The following AHR variants were observed in gnomAD, a reference collection of about 807,000 sequenced individuals.
AHR encodes the protein AH-receptor.
In AHR, 40 loss-of-function variants were observed where a neutral mutation model predicts 86.8. That is an observed-to-expected ratio of 0.46 (90% CI 0.36 to 0.60). The LOEUF (loss-of-function observed/expected upper bound fraction) is 0.60, where lower values mean the gene tolerates loss of function less well. Ranked by LOEUF, AHR falls within the 20% of genes least tolerant of loss-of-function variation. The pLI, the probability that AHR is intolerant of heterozygous loss-of-function variation, is 0.00. For missense variants in AHR, 1,001 were observed against 1,011.6 expected (o/e 0.99, Z 0.14); for synonymous variants, 398 against 354.9 (o/e 1.12, Z -1.37).
intron 1 of AHR, among the ~76,000 whole-genome samples, chr7:17,306,799 T>A (rs1782010416): frequency 6.6e-6 from 1 of 152,154 alleles, no homozygotes; most frequent in Non-Finnish European, 1.5e-5. Flanking sequence ...CTGGCTTAAA[T>A]CTCTCTTCAA....
intron 2 of AHR, among the ~76,000 whole-genome samples, chr7:17,321,415 C>T (rs889462952): frequency 2.0e-5 from 3 of 151,848 alleles, no homozygotes. Context: ...AAATAACTCC[C>T]ACTTTTAGTA....
Position 17,310,024 on chromosome 7 carries a change from A to C in AHR, c.154A>C (p.Ser52Arg). The C allele has an allele frequency of 1.2e-6, 2 of 1,614,048 alleles. No homozygotes were observed. The highest frequency in any genetic ancestry group is 1.7e-6 in the Non-Finnish European group (2 of 1,179,918). Residue 52 changes from serine (S) to arginine (R), a missense_variant, in exon 2 of 11, where the codon AGC (serine) becomes CGC (arginine). By Grantham distance (110) the Ser-to-Arg change is moderately radical. Coordinates refer to ENST00000242057, the MANE Select transcript of AHR (RefSeq NM_001621.5). ...TAATACAGAGTTGGACCGTTTGGCT[A>C]GCCTGCTGCCTTTCCCACAAGATGT... Reference protein sequence around the residue: ...RLNTELDRLASLLPFPQDVIN... With the variant: ...RLNTELDRLARLLPFPQDVIN...
chr7:17,338,687 G>C (rs539473702), intron 9 of AHR, among the ~76,000 whole-genome samples: 2 of 152,188 alleles, frequency 1.3e-5, no homozygotes, highest in African/African-American at 4.8e-5. Context: ...TTTATGTGTA[G>C]ATATTTATTC....
chr7:17,315,581 G>A (rs559347433), intron 2 of AHR, among the ~76,000 whole-genome samples: 11 of 151,850 alleles, frequency 7.2e-5, no homozygotes, highest in East Asian at 1.9e-4. Flanking sequence ...GGAGACTACC[G>A]TGGGCTAACA....
At chr7:17,338,321 A>G (rs1782377997) in intron 9 of AHR, among the ~76,000 whole-genome samples, 1 of 151,492 alleles carries the variant, frequency 6.6e-6, no homozygotes, top group Non-Finnish European at 1.5e-5. Context: ...GTTGTTTCAG[A>G]TTCTTAACTT....
intron 2 of AHR, among the ~76,000 whole-genome samples, chr7:17,319,390 A>T (rs1226896891): frequency 1.3e-5 from 2 of 152,110 alleles, no homozygotes; most frequent in Admixed American, 1.3e-4. Flanking sequence ...GGTGGCTAAT[A>T]ATAGCTCACA....
chr7:17,329,978 T>C lies in AHR; in HGVS notation c.477T>C (p.Tyr159=), dbSNP rs1364768739. 5.6e-6 allele frequency: 9 copies of C among 1,610,876 alleles called. No homozygotes were observed. The highest frequency in any genetic ancestry group is 7.6e-6 in the Non-Finnish European group (9 of 1,177,822). Residue 159 remains tyrosine, a synonymous_variant, in exon 5 of 11, where the codon TAT becomes TAC. Coordinates refer to ENST00000242057, the MANE Select transcript of AHR (RefSeq NM_001621.5). ...QQSDVIHQSV[Y]ELIHTEDRAE... ...CTGATGTCATACATCAGAGTGTATA[T>C]GAACTTATCCATACCGAAGACCGAG...
intron 6 of AHR, among the ~76,000 whole-genome samples, chr7:17,331,326 T>C (rs1782286566): frequency 6.6e-6 from 1 of 151,984 alleles, no homozygotes; most frequent in Non-Finnish European, 1.5e-5. Context: ...GCCAATTTTC[T>C]TTGGTTATCT....
intron 1 of AHR, among the ~76,000 whole-genome samples, chr7:17,307,418 C>G (rs1472827258): frequency 6.6e-6 from 1 of 152,056 alleles, no homozygotes; most frequent in African/African-American, 2.4e-5. Context: ...TGAGGTAGGT[C>G]AGGGAGGACT....
At chr7:17,328,035 T>C (rs1782247543) in intron 4 of AHR, among the ~76,000 whole-genome samples, 187 bp downstream of exon 4, 1 of 151,886 alleles carries the variant, frequency 6.6e-6, no homozygotes, top group South Asian at 2.1e-4. Context: ...TAAACCTTTA[T>C]GTGATTCATG....
At chr7:17,335,289 T>C (rs2115367195) in intron 8 of AHR, among the ~76,000 whole-genome samples, 1 of 152,232 alleles carries the variant, frequency 6.6e-6, no homozygotes, top group African/African-American at 2.4e-5. Flanking sequence ...ATGTTAATAT[T>C]GTAACAATAA....
chr7:17,337,066 A>G (rs890655213), intron 9 of AHR, among the ~76,000 whole-genome samples: 1 of 152,120 alleles, frequency 6.6e-6, no homozygotes, highest in African/African-American at 2.4e-5. Flanking sequence ...TTAATTGAAA[A>G]TACTGGCTAA....
At chr7:17,327,912 A>G in intron 4 of AHR, 64 bp downstream of exon 4, 4 of 665,798 alleles carry the variant, frequency 6.0e-6, no homozygotes, top group Non-Finnish European at 8.4e-6. Flanking sequence ...TATATTTAGG[A>G]CACAGTTGGC....
intron 3 of AHR, among the ~76,000 whole-genome samples, chr7:17,324,241 T>C (rs1489734250): frequency 1.3e-5 from 2 of 152,214 alleles, no homozygotes; most frequent in South Asian, 2.1e-4. Context: ...AGACTCACAT[T>C]CTCTATGATT....
chr7:17,313,489 C>T (rs897171710), intron 2 of AHR, among the ~76,000 whole-genome samples: 1 of 151,950 alleles, frequency 6.6e-6, no homozygotes, highest in Non-Finnish European at 1.5e-5. Context: ...GATATTTTTC[C>T]AAGAAAATAC....
At chr7:17,324,574 G>A (rs899154269) in intron 3 of AHR, among the ~76,000 whole-genome samples, 4 of 152,160 alleles carry the variant, frequency 2.6e-5, no homozygotes, top group Non-Finnish European at 4.4e-5. Context: ...AGGCCAAGGC[G>A]GGCAGATCAC....
At chr7:17,320,897 T>G (rs17137566) in intron 2 of AHR, among the ~76,000 whole-genome samples, 1 of 152,004 alleles carries the variant, frequency 6.6e-6, no homozygotes, top group Admixed American at 6.6e-5. Context: ...CAAAGAGATA[T>G]GTTTTAACTT....
At chr7:17,333,142 C>T (rs148258206) in intron 6 of AHR, among the ~76,000 whole-genome samples, 1 of 152,016 alleles carries the variant, frequency 6.6e-6, no homozygotes, top group East Asian at 1.9e-4. Context: ...TGAACCTACC[C>T]TCTGATGTTC....
intron 3 of AHR, among the ~76,000 whole-genome samples, chr7:17,323,734 A>G (rs968922380): frequency 6.6e-6 from 1 of 152,166 alleles, no homozygotes; most frequent in African/African-American, 2.4e-5. Flanking sequence ...ATCACATTCA[A>G]AGTCCTGTTA....
Sources: allele counts gnomAD v4.1 joint callset (sites outside exome capture counted in the v4.1 genomes callset), GRCh38; gene constraint gnomAD v4.1.1; transcripts MANE v1.5; gene names NCBI Gene and HGNC (gene_info 2026-07-23, HGNC 2026-07-21).